STXBP4: variants seen among roughly 807,000 people sequenced by gnomAD.
STXBP4 encodes syntaxin binding protein 4.
Under a neutral mutation model 76.1 loss-of-function variants are expected in STXBP4, and 55 were observed. The ratio of observed to expected loss-of-function variants is 0.72; its 90% CI spans 0.58 to 0.91. The LOEUF is 0.91. STXBP4 is among the 40% of genes least tolerant of loss of function. The pLI, the probability that STXBP4 is intolerant of heterozygous loss-of-function variation, is 0.00. For synonymous variants in STXBP4, 201 were observed against 220.2 expected, an observed-to-expected ratio of 0.91 and a Z score of 0.77; for missense variants, 618 against 636.9, an observed-to-expected ratio of 0.97 and a Z score of 0.32.
Position 55,153,503 on chromosome 17 carries a change from G to C in STXBP4, c.1548-6294G>C, listed in dbSNP as rs545976528. On this transcript the variant is annotated intron_variant, in intron 17 of 17. Coordinates refer to ENST00000376352, the MANE Select transcript of STXBP4 (RefSeq NM_178509.6). ...TATATGCTTATATTTAAAATTTGTA[G>C]TGTAGTCATTTTAACTCTGATAGAT... Among the ~76,000 whole-genome samples the C allele has an allele frequency of 2.6e-5, 4 of 152,198 alleles. No homozygotes were observed. The East Asian group carries it at 7.7e-4, about 29-fold the overall frequency.
chr17:55,198,972 T>C, the STXBP4 span, among the ~76,000 whole-genome samples: 5 of 152,234 alleles, frequency 3.3e-5, no homozygotes, highest in Non-Finnish European at 7.3e-5. Flanking sequence ...ACACAGTCTT[T>C]CTATGCCAAT....
intron 8 of STXBP4, among the ~76,000 whole-genome samples, chr17:55,012,812 A>C (rs1034025234): frequency 2.0e-5 from 3 of 152,088 alleles, no homozygotes; most frequent in Non-Finnish European, 2.9e-5. Context: ...ATCAGTATAC[A>C]AGTTGAGGTC....
At position 55,026,529 on chromosome 17, in the gene STXBP4, C is replaced by A. The variant is rs542197168; in HGVS notation, c.667-4639C>A. The stretch of plus-strand genomic sequence containing the variant: ...AGGAGGCTGCAGCCTACACTATGAG[C>A]CAGCCAAAAAACTAAGTCCCAAGAG... On this transcript the variant is annotated intron_variant, in intron 8 of 17. Transcript: ENST00000376352. Among the ~76,000 whole-genome samples, 44 of 152,196 alleles carry A rather than the reference C, an allele frequency of 2.9e-4. 1 individual carries two copies. Among genetic ancestry groups the A allele is most frequent in the Middle Eastern group, 6.8e-3 (2 of 294 alleles).
intron 12 of STXBP4, among the ~76,000 whole-genome samples, chr17:55,063,452 T>TA (rs2144831585): frequency 6.6e-6 from 1 of 152,360 alleles, no homozygotes; most frequent in African/African-American, 2.4e-5. Context: ...CTGATGCTGT[T>TA]AAAGTTCTAG....
At position 55,009,127 on chromosome 17, in the gene STXBP4, G is replaced by A. The variant is rs182182254; in HGVS notation, c.666+1530G>A. ...CTATTAGTGTTTAAATAGCTGCTTC[G>A]TGCTCCATAAAATTTTCCAATTAAT... On this transcript the variant is annotated intron_variant, in intron 8 of 17. Transcript: ENST00000376352. 1.5e-3 allele frequency among the ~76,000 whole-genome samples: 222 copies of A among 152,084 alleles called. 1 individual carries two copies. Among genetic ancestry groups the A allele is most frequent in the South Asian group, 4.8e-3 (23 of 4,814 alleles).
At chr17:55,078,623 A>G (rs560961600) in intron 14 of STXBP4, 63 bp from the exon 15 acceptor site, 1 of 1,040,734 alleles carries the variant, frequency 9.6e-7, no homozygotes, top group African/African-American at 1.6e-5. Context: ...ATTAATGAAG[A>G]AAAGATATTT....
intron 2 of STXBP4, 128 bp from the exon 3 acceptor site, chr17:54,986,014 C>T: frequency 1.8e-6 from 1 of 550,062 alleles, no homozygotes. Flanking sequence ...ACATACAATA[C>T]ATCTAACATC....
At chr17:55,193,886 C>G in the STXBP4 span, among the ~76,000 whole-genome samples, 1 of 150,478 alleles carries the variant, frequency 6.6e-6, no homozygotes, top group East Asian at 2.0e-4. Flanking sequence ...ACTAGCATCA[C>G]CAATCTCAGG....
At chr17:55,148,178 A>G (rs1401022372) in intron 17 of STXBP4, among the ~76,000 whole-genome samples, 1 of 152,212 alleles carries the variant, frequency 6.6e-6, no homozygotes, top group Non-Finnish European at 1.5e-5. Context: ...CCCTAAAATG[A>G]TTGTCTATAC....
chr17:54,999,497 C>T, intron 5 of STXBP4, 46 bp downstream of exon 5: 2 of 1,524,206 alleles, frequency 1.3e-6, no homozygotes, highest in Non-Finnish European at 1.8e-6. Flanking sequence ...TAGAATGTCT[C>T]CTTGAAAGCA....
intron 16 of STXBP4, 47 bp downstream of exon 16, chr17:55,081,230 A>G: frequency 7.5e-7 from 1 of 1,341,130 alleles, no homozygotes; most frequent in Non-Finnish European, 9.7e-7. Context: ...TTTATTTAAC[A>G]AAACAAATTG....
Position 55,081,186 on chromosome 17 carries a change from A to G in STXBP4, c.1489+3A>G. 1.4e-6 allele frequency: 2 copies of G among 1,454,474 alleles called. No homozygotes were observed. The highest frequency in any genetic ancestry group is 9.1e-7 in the Non-Finnish European group (1 of 1,101,870). The allele number at this position is 1,454,474 out of a possible 1,614,324, so 90.1% of individuals were successfully genotyped here. On this transcript the variant is annotated splice_donor_region_variant and intron_variant, in intron 16 of 17. Coordinates refer to ENST00000376352, the MANE Select transcript of STXBP4 (RefSeq NM_178509.6). ...TCGTGCCTTACTTGATATGGATTGT[A>G]AGTTTTCTGCATTTTTTCACTTTTT...
chr17:55,078,864 T>C, intron 15 of STXBP4, 129 bp downstream of exon 15: 1 of 629,708 alleles, frequency 1.6e-6, no homozygotes, highest in South Asian at 2.0e-5. Flanking sequence ...TTGGATGCCA[T>C]CATATGGAAA....
Position 55,067,523 on chromosome 17 carries a change from CAT to C in STXBP4, c.1012-5376_1012-5375del, listed in dbSNP as rs146131687. 8.2e-3 allele frequency among the ~76,000 whole-genome samples: 1,251 copies of C among 152,148 alleles called. 18 individuals are homozygous for C. Among genetic ancestry groups the C allele is most frequent in the African/African-American group, 0.028 (1,175 of 41,504 alleles). ...AGTTAATGTACTTGGATATGGGAAT[CAT>C]GTGAGAGTTAAGTGGACTAAAGCTA... On this transcript the variant is annotated intron_variant, in intron 12 of 17. Transcript: ENST00000376352.
rs147642498 is a variant in STXBP4, at chr17:54,976,941, C to G, written c.-157+8126C>G. 3.2e-3 allele frequency among the ~76,000 whole-genome samples: 484 copies of G among 152,280 alleles called. 4 individuals are homozygous for G. Among genetic ancestry groups the G allele is most frequent in the African/African-American group, 0.011 (455 of 41,554 alleles). On this transcript the variant is annotated intron_variant, in intron 1 of 17. Transcript: ENST00000376352. Reference sequence around the variant, plus strand: ...ACCAACTCCTCTTCCTTACCCCTCCCTAATTCCTGTTTTCCCACACATACT... The same window carrying G: ...ACCAACTCCTCTTCCTTACCCCTCCGTAATTCCTGTTTTCCCACACATACT...
At position 55,047,075 on chromosome 17, in the gene STXBP4, G is replaced by T; in HGVS notation, c.946-14G>T. 1 of 1,563,176 alleles carries T rather than the reference G, an allele frequency of 6.4e-7. No individual in the cohort carries two copies. The highest frequency in any genetic ancestry group is 2.3e-5 in the East Asian group (1 of 44,430). ...TTCATAACAAGTTGTTAATTTGGTGGTTTTTAAATATAGGAAAAATTATTG... is the reference window on the plus strand; with the variant it reads ...TTCATAACAAGTTGTTAATTTGGTGTTTTTTAAATATAGGAAAAATTATTG... On this transcript the variant is annotated splice_polypyrimidine_tract_variant and intron_variant, in intron 11 of 17. Transcript: ENST00000376352.
At chr17:55,106,077 T>C (rs1485838956) in intron 16 of STXBP4, among the ~76,000 whole-genome samples, 4 of 152,126 alleles carry the variant, frequency 2.6e-5, no homozygotes, top group African/African-American at 9.7e-5. Context: ...CCCACTGTTA[T>C]TGTGTGGGAG....
chr17:55,097,765 G>T (rs1488645224), intron 16 of STXBP4, among the ~76,000 whole-genome samples: 3 of 152,054 alleles, frequency 2.0e-5, no homozygotes, highest in Non-Finnish European at 4.4e-5. Flanking sequence ...ATTTTTACTT[G>T]TAGAGAAGCA....
intron 12 of STXBP4, among the ~76,000 whole-genome samples, chr17:55,066,794 T>C (rs890937409): frequency 6.6e-6 from 1 of 152,122 alleles, no homozygotes; most frequent in Admixed American, 6.6e-5. Context: ...TGGATGTCTT[T>C]AGATCACCTT....
Sources: gnomAD v4.1 joint callset for allele counts (sites outside exome capture counted in the v4.1 genomes callset) on GRCh38, gnomAD v4.1.1 for gene constraint, MANE v1.5 for transcripts, NCBI Gene and HGNC (gene_info 2026-07-23, HGNC 2026-07-21) for gene names.